PRUNE2: variants seen among roughly 807,000 people sequenced by gnomAD.
The protein encoded by PRUNE2 is protein prune homolog 2.
In PRUNE2, 164 loss-of-function variants were observed where a neutral mutation model predicts 252.0. The observed-to-expected ratio is 0.65, with a 90% CI of 0.57 to 0.74. The LOEUF is 0.74. Among genes scored for constraint, PRUNE2 ranks in the 30% least tolerant of loss-of-function variants. The pLI is 0.00. For synonymous variants in PRUNE2, 1,292 were observed against 1,350.2 expected (o/e 0.96, Z 0.94); for missense variants, 3,495 against 3,711.0 (o/e 0.94, Z 1.51).
chr9:76,726,618 C>T (rs1003533134), intron 6 of PRUNE2, among the ~76,000 whole-genome samples: 4 of 152,152 alleles, frequency 2.6e-5, no homozygotes, highest in South Asian at 2.1e-4. Context: ...TCTATAAAAG[C>T]GTTAAGCTTA....
At chr9:76,739,216 T>C (rs952993828) in intron 6 of PRUNE2, 1 of 152,118 alleles carries the variant, frequency 6.6e-6, no homozygotes, top group Non-Finnish European at 1.5e-5. Context: ...TGGACAAATA[T>C]ATAGTAGATG....
At chr9:76,671,871 C>G (rs1031698736) in intron 9 of PRUNE2, among the ~76,000 whole-genome samples, 5 of 151,856 alleles carry the variant, frequency 3.3e-5, no homozygotes, top group Non-Finnish European at 5.9e-5. Flanking sequence ...TTGTCACCAC[C>G]AGGCCTGCCT....
intron 4 of PRUNE2, among the ~76,000 whole-genome samples, chr9:76,829,016 CAAA>C (rs1185924670): frequency 3.1e-5 from 3 of 95,476 alleles, no homozygotes; most frequent in Admixed American, 2.5e-4. Flanking sequence ...CACTCTGTCT[CAAA>C]AAAAAAAAAA....
intron 6 of PRUNE2, among the ~76,000 whole-genome samples, chr9:76,787,917 G>A (rs907263702): frequency 2.6e-5 from 4 of 152,172 alleles, no homozygotes; most frequent in African/African-American, 4.8e-5. Flanking sequence ...CTGTGCTGCC[G>A]CAGCTTCCCA....
At chr9:76,676,367 TA>T (rs5898499) in intron 9 of PRUNE2, among the ~76,000 whole-genome samples, 3 of 150,304 alleles carry the variant, frequency 2.0e-5, no homozygotes, top group African/African-American at 4.9e-5. Flanking sequence ...TATTTCAATG[TA>T]AAAAAAAATC....
intron 6 of PRUNE2, among the ~76,000 whole-genome samples, chr9:76,717,057 C>G (rs1017196819): frequency 6.6e-6 from 1 of 152,180 alleles, no homozygotes; most frequent in Non-Finnish European, 1.5e-5. Flanking sequence ...GCTCAGTTTT[C>G]CCCTGGGTGA....
intron 1 of PRUNE2, among the ~76,000 whole-genome samples, chr9:76,876,277 C>T (rs140907718): frequency 3.3e-5 from 5 of 152,262 alleles, no homozygotes; most frequent in East Asian, 1.9e-4. Flanking sequence ...AGAGAATTGT[C>T]GAAGCAAGGA....
At position 76,636,459 on chromosome 9, in the gene PRUNE2, C is replaced by A; in HGVS notation, c.9050+12G>T. 7.0e-7 allele frequency: 1 copy of A among 1,429,956 alleles called. No individual in the cohort carries two copies. The allele number at this position is 1,429,956 out of a possible 1,614,324, so 88.6% of individuals were successfully genotyped here. On this transcript the variant is annotated intron_variant, in intron 15 of 18. Coordinates refer to ENST00000376718, the MANE Select transcript of PRUNE2 (RefSeq NM_015225.3). ...TAGTAGTACTTTTATTTTATGACAA[C>A]ATTAACTGTACCTTATAAAAGGTCG...
chr9:76,805,975 C>T (rs892467741), intron 6 of PRUNE2, among the ~76,000 whole-genome samples: 2 of 152,094 alleles, frequency 1.3e-5, no homozygotes, highest in Non-Finnish European at 2.9e-5. Flanking sequence ...TGTAAAGCAC[C>T]TACCACTGTA....
intron 6 of PRUNE2, among the ~76,000 whole-genome samples, chr9:76,815,530 A>G (rs2057636674): frequency 6.6e-6 from 1 of 152,172 alleles, no homozygotes; most frequent in Non-Finnish European, 1.5e-5. Context: ...CATTCATGAG[A>G]GCAGAATGCT....
intron 6 of PRUNE2, among the ~76,000 whole-genome samples, chr9:76,715,769 T>C: frequency 6.6e-6 from 1 of 152,102 alleles, no homozygotes; most frequent in East Asian, 1.9e-4. Context: ...TAATCAAAAC[T>C]CATATACAAT....
At chr9:76,903,027 C>T (rs2063273448) in intron 1 of PRUNE2, among the ~76,000 whole-genome samples, 1 of 152,184 alleles carries the variant, frequency 6.6e-6, no homozygotes, top group Admixed American at 6.5e-5. Context: ...CTCCAAACTA[C>T]CTGATAAAAA....
intron 9 of PRUNE2, among the ~76,000 whole-genome samples, chr9:76,676,332 A>G (rs1051687021): frequency 1.3e-5 from 2 of 148,306 alleles, no homozygotes; most frequent in African/African-American, 2.5e-5. Context: ...GGGAATGATT[A>G]AATATAGCAT....
At chr9:76,837,441 A>AAT (rs2059067219) in intron 4 of PRUNE2, among the ~76,000 whole-genome samples, 1 of 134,826 alleles carries the variant, frequency 7.4e-6, no homozygotes, top group Non-Finnish European at 1.6e-5. Context: ...ACTCTGTCTC[A>AAT]AATAATAATA....
rs1305560019 is a variant in PRUNE2 at position 76,709,582 on chromosome 9, C to T, written c.2692G>A (p.Glu898Lys). The T allele has an allele frequency of 6.2e-7, 1 of 1,613,970 alleles. No homozygotes were observed. Among genetic ancestry groups the T allele is most frequent in the Non-Finnish European group, 8.5e-7 (1 of 1,179,888 alleles). ...GGATCCACTAAACCATTCTGATCTT[C>T]TTTTGGTGGCTTAGAATTAGTCCAT... is the stretch of plus-strand genomic sequence containing the variant. ...HTWTNSKPPK[E>K]DQNGLVDPKT... is the part of the protein sequence containing the mutation. The change falls in exon 8 of 19, where the codon GAA becomes AAA. Residue 898 changes from glutamate (E) to lysine (K), a missense_variant. Physicochemically the swap from Glu to Lys is moderately conservative, Grantham distance 56. Coordinates refer to ENST00000376718, the MANE Select transcript of PRUNE2 (RefSeq NM_015225.3).
chr9:76,875,046 A>G (rs2061403678), intron 1 of PRUNE2, among the ~76,000 whole-genome samples: 1 of 151,874 alleles, frequency 6.6e-6, no homozygotes, highest in Non-Finnish European at 1.5e-5. Flanking sequence ...CGCTACACAC[A>G]CCCCAGTGTG....
At position 76,619,347 on chromosome 9, in the gene PRUNE2, C is replaced by T. The variant is rs1831115489; in HGVS notation, c.9229G>A (p.Glu3077Lys). The change falls in exon 18 of 19, where the codon GAG becomes AAG. Residue 3077 changes from glutamate to lysine, a missense_variant. Coordinates refer to ENST00000376718, the MANE Select transcript of PRUNE2 (RefSeq NM_015225.3). ...TTGATGGTGAATTCTTACTCCTTCTCCATAGAAGACATTTCTGGATCATTG... is the reference window on the plus strand; with the variant it reads ...TTGATGGTGAATTCTTACTCCTTCTTCATAGAAGACATTTCTGGATCATTG... ...LYNDPEMSSM[E>K]KDIDLKLKEK... The T allele has an allele frequency of 6.2e-7, 1 of 1,602,476 alleles. No homozygotes were observed. Among genetic ancestry groups the T allele is most frequent in the Non-Finnish European group, 8.5e-7 (1 of 1,172,040 alleles).
At chr9:76,773,455 T>C (rs1243727587) in intron 6 of PRUNE2, among the ~76,000 whole-genome samples, 3 of 150,066 alleles carry the variant, frequency 2.0e-5, no homozygotes, top group Non-Finnish European at 4.4e-5. Flanking sequence ...TTTTTTTTTT[T>C]TTTTTGAGAC....
At position 76,850,631 on chromosome 9, in the gene PRUNE2, A is replaced by T. The variant is rs1250980485; in HGVS notation, c.176T>A (p.Leu59Gln). ...GTTGAATTCAGTTCTTGGTATGTTCAGCACTGGTAAACACAGAACCCCTGG... is the reference window on the plus strand; with the variant it reads ...GTTGAATTCAGTTCTTGGTATGTTCTGCACTGGTAAACACAGAACCCCTGG... ...SPPGVLCLPV[L>Q]NIPRTEFNYF... Residue 59 changes from leucine to glutamine, a missense_variant, in exon 3 of 19, where the codon CTG becomes CAG. Physicochemically the swap from Leu to Gln is moderately radical, Grantham distance 113. Transcript: ENST00000376718. 7 of 1,614,180 alleles carry T rather than the reference A, an allele frequency of 4.3e-6. No individual in the cohort carries two copies. Among genetic ancestry groups the T allele is most frequent in the Non-Finnish European group, 5.9e-6 (7 of 1,180,000 alleles).
Sources: gnomAD v4.1 joint callset for allele counts (sites outside exome capture counted in the v4.1 genomes callset) on GRCh38, gnomAD v4.1.1 for gene constraint, MANE v1.5 for transcripts, NCBI Gene and HGNC (gene_info 2026-07-23, HGNC 2026-07-21) for gene names.